Variants in TMPRSS11E observed in about 807,000 individuals in gnomAD.
TMPRSS11E encodes the protein transmembrane protease serine 11E.
In TMPRSS11E, 38 loss-of-function variants were observed where a neutral mutation model predicts 48.1. That is an observed-to-expected ratio of 0.79 (90% CI 0.61 to 1.04). The LOEUF is 1.04. Among genes scored for constraint, TMPRSS11E ranks in the 50% least tolerant of loss-of-function variants. The probability of loss-of-function intolerance (pLI) is 0.00; values close to 1 mark genes in which losing one functional copy is unlikely to be tolerated. For missense variants in TMPRSS11E, 530 were observed against 510.8 expected (o/e 1.04, Z -0.36); for synonymous variants, 158 against 171.9 (o/e 0.92, Z 0.63).
In TMPRSS11E at chr4:68,477,416, A is replaced by C. The variant is rs777109586; in HGVS notation, c.755A>C (p.Lys252Thr). Reference protein sequence around the residue: ...RWTASFGVTIKPSKMKRGLRR... With the variant: ...RWTASFGVTITPSKMKRGLRR... ...ACTGCTTCCTTTGGAGTAACAATAA[A>C]ACCTTCGAAAATGAAACGGGGTCTC... The change falls in exon 8 of 10, where the codon AAA becomes ACA. Residue 252 changes from lysine to threonine, a missense_variant. Transcript: ENST00000305363. 1.2e-6 allele frequency: 2 copies of C among 1,613,986 alleles called. No homozygotes were observed. The highest frequency in any genetic ancestry group is 1.7e-6 in the Non-Finnish European group (2 of 1,179,978).
In TMPRSS11E at chr4:68,479,005, C is replaced by T. The variant is rs1448004604; in HGVS notation, c.1110+14C>T. ...GATGCATGCCAGGTAAACAGTTTTG[C>T]CCATTAGTAGGTTGTGTAATTTTTT... On this transcript the variant is annotated intron_variant, in intron 9 of 9. Transcript: ENST00000305363. 9.3e-6 allele frequency: 15 copies of T among 1,611,344 alleles called. No individual in the cohort carries two copies. The highest frequency in any genetic ancestry group is 1.3e-5 in the African/African-American group (1 of 74,772).
chr4:68,466,607 A>G (rs776297015), intron 2 of TMPRSS11E, 24 bp from the exon 3 acceptor site: 2 of 1,606,266 alleles, frequency 1.2e-6, no homozygotes, highest in Non-Finnish European at 1.7e-6. Flanking sequence ...AAATTATGAT[A>G]GTGTTTTGCT....
Position 68,474,780 on chromosome 4 carries a change from T to C in TMPRSS11E, c.529+19T>C. 1 of 1,588,450 alleles carries C rather than the reference T, an allele frequency of 6.3e-7. No homozygotes were observed. Among genetic ancestry groups the C allele is most frequent in the Non-Finnish European group, 8.6e-7 (1 of 1,169,334 alleles). On this transcript the variant is annotated intron_variant, in intron 6 of 9. Coordinates refer to ENST00000305363, the MANE Select transcript of TMPRSS11E (RefSeq NM_014058.4). Reference sequence around the variant, plus strand: ...AACCATTGTAAGTTTAATATATTTATTAAAATAGCATTACCTGAAGGTAAA... The same window carrying C: ...AACCATTGTAAGTTTAATATATTTACTAAAATAGCATTACCTGAAGGTAAA...
At chr4:68,476,580 T>C in intron 7 of TMPRSS11E, 142 bp downstream of exon 7, 1 of 794,610 alleles carries the variant, frequency 1.3e-6, no homozygotes, top group Non-Finnish European at 1.9e-6. Context: ...GGATCATTTG[T>C]AAACATTAGT....
chr4:68,468,388 T>C (rs2603191), intron 3 of TMPRSS11E, among the ~76,000 whole-genome samples: 148,450 of 152,198 alleles, frequency 0.98, 72,521 homozygotes, highest in East Asian at 1. Flanking sequence ...CTGGGCCTTT[T>C]TAAGAGCACT....
In TMPRSS11E at chr4:68,456,125, T is replaced by C. The variant is rs182447772; in HGVS notation, c.12-5696T>C. Among the ~76,000 whole-genome samples, 30 of 152,118 alleles carry C rather than the reference T, an allele frequency of 2.0e-4. No homozygotes were observed. In the East Asian group the frequency reaches 5.6e-3, roughly 28 times the overall value. On this transcript the variant is annotated intron_variant, in intron 1 of 9. Transcript: ENST00000305363. ...GGAGGTCAGAGACATTCCTTACTGT[T>C]GAGTTGCCACTAATATTTATGTAGT...
At chr4:68,479,386 C>T (rs953412293) in intron 9 of TMPRSS11E, among the ~76,000 whole-genome samples, 1 of 151,646 alleles carries the variant, frequency 6.6e-6, no homozygotes, top group African/African-American at 2.4e-5. Flanking sequence ...GTAACAGTAG[C>T]TTTTTAAACA....
intron 9 of TMPRSS11E, among the ~76,000 whole-genome samples, chr4:68,488,696 G>GCCC (rs201375786): frequency 0.27 from 41,028 of 151,736 alleles, 6,485 homozygotes; most frequent in East Asian, 0.75. Flanking sequence ...CCGCCACCAT[G>GCCC]CCCGGCTAAT....
At chr4:68,481,374 C>T (rs1333033235) in intron 9 of TMPRSS11E, among the ~76,000 whole-genome samples, 1 of 152,152 alleles carries the variant, frequency 6.6e-6, no homozygotes, top group African/African-American at 2.4e-5. Flanking sequence ...TTTGAGAAAT[C>T]TCCAAGCTGC....
chr4:68,473,827 A>G (rs983300621), intron 5 of TMPRSS11E, among the ~76,000 whole-genome samples: 1 of 152,112 alleles, frequency 6.6e-6, no homozygotes, highest in Admixed American at 6.6e-5. Flanking sequence ...TTTAATATTA[A>G]CTGAGACTAA....
intron 9 of TMPRSS11E, among the ~76,000 whole-genome samples, chr4:68,482,342 A>G (rs1424916552): frequency 6.6e-6 from 1 of 152,110 alleles, no homozygotes; most frequent in Non-Finnish European, 1.5e-5. Flanking sequence ...ATAAATATCC[A>G]AATTATATCA....
intron 4 of TMPRSS11E, among the ~76,000 whole-genome samples, chr4:68,470,700 A>C (rs142020294): frequency 0.029 from 4,358 of 151,998 alleles, 222 homozygotes; most frequent in African/African-American, 0.099. Flanking sequence ...GTGAAGAGTT[A>C]GATTCAGAAG....
chr4:68,451,736 T>C (rs1416816115), intron 1 of TMPRSS11E, among the ~76,000 whole-genome samples: 1 of 151,920 alleles, frequency 6.6e-6, no homozygotes, highest in Non-Finnish European at 1.5e-5. Flanking sequence ...ATTTAAACTT[T>C]ATATCAACCT....
intron 9 of TMPRSS11E, among the ~76,000 whole-genome samples, chr4:68,487,648 GAA>G (rs1461066495): frequency 6.6e-6 from 1 of 152,084 alleles, no homozygotes; most frequent in Non-Finnish European, 1.5e-5. Flanking sequence ...TTGCTTGTCT[GAA>G]AAAGATTCCG....
At chr4:68,450,197 C>T (rs192216613) in intron 1 of TMPRSS11E, among the ~76,000 whole-genome samples, 1 of 151,980 alleles carries the variant, frequency 6.6e-6, no homozygotes, top group East Asian at 1.9e-4. Context: ...AGAATCAGCC[C>T]TGATCCATAT....
Position 68,461,940 on chromosome 4 carries a change from G to C in TMPRSS11E, c.131G>C (p.Arg44Thr). 3 of 1,614,150 alleles carry C rather than the reference G, an allele frequency of 1.9e-6. No individual in the cohort carries two copies. The highest frequency in any genetic ancestry group is 2.2e-5 in the East Asian group (1 of 44,880). ...ATTGGACTCACTGTTCATTATGTGAGATATAGTAAGTATAAGCTGCCTTGG... is the reference window on the plus strand; with the variant it reads ...ATTGGACTCACTGTTCATTATGTGACATATAGTAAGTATAAGCTGCCTTGG... Reference protein sequence around the residue: ...VCIGLTVHYVRYNQKKTYNYY... With the variant: ...VCIGLTVHYVTYNQKKTYNYY... Residue 44 changes from arginine to threonine, a missense_variant, in exon 2 of 10, where the codon AGA (arginine) becomes ACA (threonine). Transcript: ENST00000305363.
At chr4:68,452,353 A>T (rs1434470077) in intron 1 of TMPRSS11E, among the ~76,000 whole-genome samples, 1 of 151,966 alleles carries the variant, frequency 6.6e-6, no homozygotes, top group Non-Finnish European at 1.5e-5. Flanking sequence ...ACAGTTAGTA[A>T]AATTTAGAGA....
intron 1 of TMPRSS11E, among the ~76,000 whole-genome samples, chr4:68,454,190 C>G (rs1728568241): frequency 6.6e-6 from 1 of 151,854 alleles, no homozygotes; most frequent in Non-Finnish European, 1.5e-5. Context: ...TTGTGATGAA[C>G]ATAGGCTGGT....
In TMPRSS11E at chr4:68,471,485, C is replaced by G; in HGVS notation, c.352C>G (p.His118Asp). 1 of 1,585,700 alleles carries G rather than the reference C, an allele frequency of 6.3e-7. No homozygotes were observed. Among genetic ancestry groups the G allele is most frequent in the Non-Finnish European group, 8.6e-7 (1 of 1,167,522 alleles). ...TCAACAGAAGCATGGAGTGTTGGCT[C>G]ATATGCTGTTGATTTGTAGATTTCA... is the stretch of plus-strand genomic sequence containing the variant. ...FSQQKHGVLA[H>D]MLLICRFHST... Residue 118 changes from histidine to aspartate, a missense_variant, in exon 5 of 10, where the codon CAT becomes GAT. Physicochemically the swap from His to Asp is moderately conservative, Grantham distance 81. Transcript: ENST00000305363.
Sources: allele counts gnomAD v4.1 joint callset (sites outside exome capture counted in the v4.1 genomes callset), GRCh38; gene constraint gnomAD v4.1.1; transcripts MANE v1.5; gene names NCBI Gene and HGNC (gene_info 2026-07-23, HGNC 2026-07-21).